LSAMP: variants seen among roughly 807,000 people sequenced by gnomAD.
LSAMP encodes the protein limbic system-associated membrane protein.
In LSAMP, 7 loss-of-function variants were observed where a neutral mutation model predicts 38.6. That is an observed-to-expected ratio of 0.18 (90% confidence interval 0.10 to 0.34). LSAMP has a LOEUF of 0.34. LSAMP is among the 10% of genes least tolerant of loss of function. The pLI is 1.00. For missense variants in LSAMP, 313 were observed against 420.0 expected (o/e 0.75, Z 2.23); for synonymous variants, 154 against 166.8 (o/e 0.92, Z 0.59).
intron 3 of LSAMP, among the ~76,000 whole-genome samples, chr3:115,921,064 C>T (rs1327172861): frequency 6.6e-6 from 1 of 152,048 alleles, no homozygotes; most frequent in Non-Finnish European, 1.5e-5. Context: ...TTTTTCCATC[C>T]TTTCACTTTC....
chr3:116,273,387 C>T (rs925480991), intron 1 of LSAMP, among the ~76,000 whole-genome samples: 6 of 151,678 alleles, frequency 4.0e-5, no homozygotes, highest in Non-Finnish European at 8.8e-5. Flanking sequence ...GTAGAATATT[C>T]ATGTAAGAAG....
chr3:115,999,457 T>C (rs981464118), intron 3 of LSAMP, among the ~76,000 whole-genome samples: 1 of 152,182 alleles, frequency 6.6e-6, no homozygotes, highest in Non-Finnish European at 1.5e-5. Context: ...AGAGCTAATA[T>C]GTTGTGCTTA....
At chr3:116,004,161 T>C (rs544884140) in intron 3 of LSAMP, among the ~76,000 whole-genome samples, 10 of 152,274 alleles carry the variant, frequency 6.6e-5, no homozygotes, top group East Asian at 1.9e-4. Context: ...AAAAGTCCAA[T>C]TGACGTTCAG....
At chr3:116,023,778 C>A (rs531918145) in intron 2 of LSAMP, among the ~76,000 whole-genome samples, 1 of 152,002 alleles carries the variant, frequency 6.6e-6, no homozygotes, top group Non-Finnish European at 1.5e-5. Flanking sequence ...CTTTTAAATA[C>A]GGTTTAATAG....
intron 3 of LSAMP, among the ~76,000 whole-genome samples, chr3:115,858,627 A>G (rs942744385): frequency 2.4e-4 from 36 of 152,204 alleles, no homozygotes; most frequent in African/African-American, 8.4e-4. Flanking sequence ...GAATATTTAC[A>G]TGCAAGTGGC....
At chr3:116,247,788 G>T (rs556956381) in intron 1 of LSAMP, among the ~76,000 whole-genome samples, 2 of 152,260 alleles carry the variant, frequency 1.3e-5, no homozygotes, top group Non-Finnish European at 2.9e-5. Flanking sequence ...GTTGAATTGT[G>T]TAGTTAAACA....
At chr3:116,203,186 T>C (rs1172836341) in intron 1 of LSAMP, among the ~76,000 whole-genome samples, 1 of 152,198 alleles carries the variant, frequency 6.6e-6, no homozygotes, top group Admixed American at 6.5e-5. Context: ...TTGAGCACGT[T>C]TGTCTTATTC....
intron 3 of LSAMP, among the ~76,000 whole-genome samples, chr3:115,915,787 C>A (rs940805161): frequency 2.0e-5 from 3 of 152,112 alleles, no homozygotes; most frequent in African/African-American, 7.2e-5. Flanking sequence ...CACGCACCAC[C>A]ACGCCCGGCT....
chr3:116,273,707 T>TATATATACACAC (rs1307543165), intron 1 of LSAMP, among the ~76,000 whole-genome samples: 2 of 102,592 alleles, frequency 1.9e-5, no homozygotes, highest in African/African-American at 9.4e-5. Context: ...TATATATATA[T>TATATATACACAC]ACACACACAC....
At chr3:116,069,610 A>G (rs780521973) in intron 2 of LSAMP, among the ~76,000 whole-genome samples, 6 of 152,158 alleles carry the variant, frequency 3.9e-5, no homozygotes, top group Admixed American at 6.5e-5. Context: ...TAGAGAAGGT[A>G]AGGAGGCACA....
At chr3:116,271,208 G>T (rs1371199645) in intron 1 of LSAMP, among the ~76,000 whole-genome samples, 1 of 151,920 alleles carries the variant, frequency 6.6e-6, no homozygotes, top group East Asian at 1.9e-4. Context: ...AAAATACAAG[G>T]TATCATGCTA....
At chr3:115,898,423 C>T (rs950181044) in intron 3 of LSAMP, among the ~76,000 whole-genome samples, 1 of 151,922 alleles carries the variant, frequency 6.6e-6, no homozygotes, top group African/African-American at 2.4e-5. Flanking sequence ...CTGGGGCCAC[C>T]TACAGATTTT....
chr3:115,873,892 A>T (rs1936113310), intron 3 of LSAMP, among the ~76,000 whole-genome samples: 1 of 152,088 alleles, frequency 6.6e-6, no homozygotes, highest in Non-Finnish European at 1.5e-5. Context: ...TTCCCTCTAA[A>T]GATCACCCCA....
chr3:115,807,031 G>C lies in LSAMP; in HGVS notation c.*3286C>G, dbSNP rs1192429426. On this transcript the variant is annotated 3_prime_UTR_variant, in exon 7 of 7. Transcript: ENST00000490035. Reference sequence around the variant, plus strand: ...GGATATTAAATATATTAGCCACTCAGATTAATTGATGAATTTCACTCCTCT... The same window carrying C: ...GGATATTAAATATATTAGCCACTCACATTAATTGATGAATTTCACTCCTCT... The C allele has an allele frequency of 2.0e-5, 3 of 152,142 alleles. No individual in the cohort carries two copies. The highest frequency in any genetic ancestry group is 4.4e-5 in the Non-Finnish European group (3 of 68,028). 9.4% of individuals were successfully genotyped at this position (152,142 alleles called of 1,614,324 possible).
chr3:116,295,739 G>T (rs1030641558), intron 1 of LSAMP, among the ~76,000 whole-genome samples: 7 of 152,100 alleles, frequency 4.6e-5, no homozygotes, highest in Non-Finnish European at 8.8e-5. Context: ...GAACAAAAAG[G>T]TATTATGTAT....
At chr3:116,216,742 G>A (rs544682743) in intron 1 of LSAMP, among the ~76,000 whole-genome samples, 1 of 152,288 alleles carries the variant, frequency 6.6e-6, no homozygotes, top group South Asian at 2.1e-4. Context: ...TAAGGAAGAA[G>A]TGTTGGAAAG....
chr3:116,107,296 G>A (rs1389931187), intron 1 of LSAMP, among the ~76,000 whole-genome samples: 1 of 152,190 alleles, frequency 6.6e-6, no homozygotes, highest in Non-Finnish European at 1.5e-5. Flanking sequence ...TATGCGTCAG[G>A]TATGAGGAAG....
At chr3:115,895,097 G>A (rs948164063) in intron 3 of LSAMP, among the ~76,000 whole-genome samples, 1 of 152,058 alleles carries the variant, frequency 6.6e-6, no homozygotes, top group African/African-American at 2.4e-5. Context: ...TTCTTGCTAT[G>A]CTTCCCTCCC....
chr3:116,182,637 TA>T (rs1425436603), intron 1 of LSAMP, among the ~76,000 whole-genome samples: 4 of 151,876 alleles, frequency 2.6e-5, no homozygotes, highest in African/African-American at 9.6e-5. Context: ...TCTTTCCTAA[TA>T]TTTCTAAACA....
Sources: allele counts gnomAD v4.1 joint callset (sites outside exome capture counted in the v4.1 genomes callset), GRCh38; gene constraint gnomAD v4.1.1; transcripts MANE v1.5; gene names NCBI Gene and HGNC (gene_info 2026-07-23, HGNC 2026-07-21).